The following NDUFAF5 variants were observed in gnomAD, a reference collection of about 807,000 sequenced individuals.
NDUFAF5 encodes the protein arginine-hydroxylase NDUFAF5, mitochondrial.
In NDUFAF5, 34 loss-of-function variants were observed where a neutral mutation model predicts 48.9. The ratio of observed to expected loss-of-function variants is 0.70; its 90% CI spans 0.53 to 0.93. NDUFAF5 has a LOEUF of 0.93. Among genes scored for constraint, NDUFAF5 ranks in the 40% least tolerant of loss-of-function variants. NDUFAF5 has a pLI of 0.00. For missense variants in NDUFAF5, 428 were observed against 427.5 expected (o/e 1.00, Z -0.01); for synonymous variants, 153 against 150.6 (o/e 1.02, Z -0.12).
At chr20:13,796,807 T>A (rs1221773601) in intron 5 of NDUFAF5, among the ~76,000 whole-genome samples, 1 of 152,168 alleles carries the variant, frequency 6.6e-6, no homozygotes, top group Non-Finnish European at 1.5e-5. Flanking sequence ...GGTGAAACCC[T>A]GTCTTTACTA....
chr20:13,810,387 G>A (rs1407056184), intron 8 of NDUFAF5, among the ~76,000 whole-genome samples: 47 of 152,346 alleles, frequency 3.1e-4, no homozygotes. Flanking sequence ...AAGGAAGTCC[G>A]CTAGATTTAG....
chr20:13,795,616 C>T (rs1013874993), intron 5 of NDUFAF5, among the ~76,000 whole-genome samples: 11 of 152,102 alleles, frequency 7.2e-5, no homozygotes, highest in African/African-American at 1.2e-4. Context: ...CCCAGGAGTT[C>T]GAGACCAGCC....
rs774754546 is a variant in NDUFAF5 at position 13,818,223 on chromosome 20, T to C, written c.*1013T>C. On this transcript the variant is annotated 3_prime_UTR_variant, in exon 11 of 11. Coordinates refer to ENST00000378106, the MANE Select transcript of NDUFAF5 (RefSeq NM_024120.5). ...TACGTAGCACATGGGACTTTCCACA[T>C]AGTAGATATTCAGTTACATTTTGAA... 7.9e-5 allele frequency: 36 copies of C among 453,968 alleles called. No homozygotes were observed. The highest frequency in any genetic ancestry group is 6.8e-4 in the Middle Eastern group (1 of 1,466). The allele number at this position is 453,968 out of a possible 1,614,324, so 28.1% of individuals were successfully genotyped here. A position where few individuals can be genotyped will look rare whatever the true frequency, so the allele number is the denominator to read the frequency against.
Position 13,817,929 on chromosome 20 carries a change from C to CA in NDUFAF5, c.*720dup. The CA allele has an allele frequency of 2.2e-6, 1 of 454,118 alleles. No homozygotes were observed. The allele number at this position is 454,118 out of a possible 1,614,324, so 28.1% of individuals were successfully genotyped here. On this transcript the variant is annotated 3_prime_UTR_variant, in exon 11 of 11. Coordinates refer to ENST00000378106, the MANE Select transcript of NDUFAF5 (RefSeq NM_024120.5). ...AAAATCATTTGGAGATAATCAAGCT[C>CA]AGACAGCTTAGGATAGGTGAGAAGA...
rs765505869 is a variant in NDUFAF5, at chr20:13,816,447, T to C, written c.779-16T>C. The C allele has an allele frequency of 1.6e-5, 26 of 1,592,552 alleles. No individual in the cohort carries two copies. The highest frequency in any genetic ancestry group is 2.2e-5 in the Non-Finnish European group (25 of 1,160,888). ...GTTTGCTGTATTATCTCAAACTACC[T>C]GTAGTGTATTTGTAGGTATGGGTGA... On this transcript the variant is annotated splice_polypyrimidine_tract_variant and intron_variant, in intron 8 of 10. Coordinates refer to ENST00000378106, the MANE Select transcript of NDUFAF5 (RefSeq NM_024120.5).
At chr20:13,789,956 C>G (rs1406792173) in intron 3 of NDUFAF5, among the ~76,000 whole-genome samples, 1 of 152,094 alleles carries the variant, frequency 6.6e-6, no homozygotes, top group African/African-American at 2.4e-5. Context: ...AGTAGGAGTT[C>G]ATGTGGTCAA....
chr20:13,790,597 TTG>T (rs1164663398), intron 3 of NDUFAF5, among the ~76,000 whole-genome samples: 4 of 152,194 alleles, frequency 2.6e-5, no homozygotes, highest in African/African-American at 4.8e-5. Context: ...AATCAAATCA[TTG>T]TCAGTCCTCT....
intron 3 of NDUFAF5, among the ~76,000 whole-genome samples, chr20:13,790,914 G>T (rs1025325484): frequency 5.3e-5 from 8 of 152,106 alleles, no homozygotes; most frequent in African/African-American, 1.9e-4. Context: ...CCGACTAGTT[G>T]CTTTATTTGC....
At chr20:13,799,294 A>G (rs867265306) in intron 6 of NDUFAF5, among the ~76,000 whole-genome samples, 1 of 152,180 alleles carries the variant, frequency 6.6e-6, no homozygotes, top group Non-Finnish European at 1.5e-5. Context: ...GGTGGGCAAA[A>G]TAATAATGGC....
chr20:13,787,305 C>A lies in NDUFAF5; in HGVS notation c.223-7C>A, dbSNP rs1179221623. 6.2e-7 allele frequency: 1 copy of A among 1,613,970 alleles called. No homozygotes were observed. The highest frequency in any genetic ancestry group is 1.1e-5 in the South Asian group (1 of 91,076). ...CCCGTTAACCTACGCCTCGTGTAATCCTTCAGGTTGGAAGTCGGATCGCAG... is the reference window on the plus strand; with the variant it reads ...CCCGTTAACCTACGCCTCGTGTAATACTTCAGGTTGGAAGTCGGATCGCAG... On this transcript the variant is annotated splice_polypyrimidine_tract_variant and splice_region_variant and intron_variant, in intron 1 of 10. Coordinates refer to ENST00000378106, the MANE Select transcript of NDUFAF5 (RefSeq NM_024120.5).
rs1986915488 is a variant in NDUFAF5 at position 13,820,553 on chromosome 20, G to A, written c.*3343G>A. The A allele has an allele frequency of 6.6e-6, 1 of 152,090 alleles. No homozygotes were observed. Among genetic ancestry groups the A allele is most frequent in the African/African-American group, 2.4e-5 (1 of 41,380 alleles). 9.4% of individuals were successfully genotyped at this position (152,090 alleles called of 1,614,324 possible). ...TACAAATAAAAAAAAAATTAGCCAG[G>A]CATGGTGGCACAAGCCTGTGGTCCC... On this transcript the variant is annotated 3_prime_UTR_variant, in exon 11 of 11. Transcript: ENST00000378106.
At chr20:13,789,467 A>G (rs1981881591) in intron 3 of NDUFAF5, among the ~76,000 whole-genome samples, 1 of 150,844 alleles carries the variant, frequency 6.6e-6, no homozygotes, top group African/African-American at 2.4e-5. Context: ...GCCCAGCCTT[A>G]AAGTGGAATT....
rs73259225 is a variant in NDUFAF5, at chr20:13,803,707, C to G, written c.717+2024C>G. Among the ~76,000 whole-genome samples, 884 of 152,254 alleles carry G rather than the reference C, an allele frequency of 5.8e-3. 6 individuals are homozygous for G. The highest frequency in any genetic ancestry group is 0.02 in the African/African-American group (834 of 41,556). Reference sequence around the variant, plus strand: ...TTAAAACTGAATTTGTTTTCGTATTCATTTAAAGCTAACAATAATATACCT... The same window carrying G: ...TTAAAACTGAATTTGTTTTCGTATTGATTTAAAGCTAACAATAATATACCT... On this transcript the variant is annotated intron_variant, in intron 7 of 10. Transcript: ENST00000378106.
chr20:13,820,534 TA>T lies in NDUFAF5; in HGVS notation c.*3334del, dbSNP rs1271764826. The T allele has an allele frequency of 6.1e-5, 9 of 147,242 alleles. No individual in the cohort carries two copies. Among genetic ancestry groups the T allele is most frequent in the Non-Finnish European group, 6.0e-5 (4 of 66,514 alleles). The allele number at this position is 147,242 out of a possible 1,614,324, so 9.1% of individuals were successfully genotyped here. A position where few individuals can be genotyped will look rare whatever the true frequency, so the allele number is the denominator to read the frequency against. On this transcript the variant is annotated 3_prime_UTR_variant, in exon 11 of 11. Coordinates refer to ENST00000378106, the MANE Select transcript of NDUFAF5 (RefSeq NM_024120.5). ...CGTGATGAAACCCTGTCTCTACAAA[TA>T]AAAAAAAAATTAGCCAGGCATGGTG...
At chr20:13,791,936 A>G (rs1982347308) in intron 3 of NDUFAF5, among the ~76,000 whole-genome samples, 2 of 152,020 alleles carry the variant, frequency 1.3e-5, no homozygotes, top group South Asian at 2.1e-4. Context: ...TCTCTTCCCA[A>G]CCTCTGTTCT....
At chr20:13,814,507 G>A (rs1047998476) in intron 8 of NDUFAF5, 3 of 1,280,674 alleles carry the variant, frequency 2.3e-6, no homozygotes, top group Middle Eastern at 2.1e-4. Flanking sequence ...CTTTCACAGT[G>A]GTCTTAAGGT....
intron 7 of NDUFAF5, among the ~76,000 whole-genome samples, chr20:13,802,544 CCTGTAATCCCAGCTACT>C (rs1370494138): frequency 6.6e-6 from 1 of 151,910 alleles, no homozygotes; most frequent in Non-Finnish European, 1.5e-5. Context: ...GTGATGCATG[CCTGTAATCCCAGCTACT>C]CTGGAGGCTG....
chr20:13,808,068 A>G (rs736366), intron 7 of NDUFAF5, among the ~76,000 whole-genome samples: 140,225 of 152,322 alleles, frequency 0.92, 64,705 homozygotes, highest in African/African-American at 0.96. Flanking sequence ...GCCCATCTCC[A>G]TCTTGTAGCT....
chr20:13,794,835 T>C lies in NDUFAF5; in HGVS notation c.376-3T>C. The C allele has an allele frequency of 6.4e-6, 10 of 1,568,936 alleles. No homozygotes were observed. Among genetic ancestry groups the C allele is most frequent in the Non-Finnish European group, 8.8e-6 (10 of 1,139,226 alleles). ...TTTTGATCTTTCGTTTTCTTAACATTAGAAAAATTCCTCAGAAACAGAAAT... is the reference window on the plus strand; with the variant it reads ...TTTTGATCTTTCGTTTTCTTAACATCAGAAAAATTCCTCAGAAACAGAAAT... On this transcript the variant is annotated splice_polypyrimidine_tract_variant and splice_region_variant and intron_variant, in intron 4 of 10. Transcript: ENST00000378106.
Sources: gnomAD v4.1 joint callset for allele counts (sites outside exome capture counted in the v4.1 genomes callset) on GRCh38, gnomAD v4.1.1 for gene constraint, MANE v1.5 for transcripts, NCBI Gene and HGNC (gene_info 2026-07-23, HGNC 2026-07-21) for gene names.